The following SHANK2 variants were observed in gnomAD, a reference collection of about 807,000 sequenced individuals.
The protein encoded by SHANK2 is SH3 and multiple ankyrin repeat domains protein 2.
In SHANK2, 43 loss-of-function variants were observed where a neutral mutation model predicts 133.7. That is an observed-to-expected ratio of 0.32 (90% confidence interval 0.25 to 0.41). The LOEUF (loss-of-function observed/expected upper bound fraction) is 0.41, where lower values mean the gene tolerates loss of function less well. Ranked by LOEUF, SHANK2 falls within the 10% of genes least tolerant of loss-of-function variation. The pLI is 1.00. For synonymous variants in SHANK2, 1,017 were observed against 952.8 expected (o/e 1.07, Z -1.24); for missense variants, 1,994 against 2,235.8 (o/e 0.89, Z 2.18).
chr11:71,125,886 A>G (rs1397583416), intron 3 of SHANK2, among the ~76,000 whole-genome samples: 1 of 152,190 alleles, frequency 6.6e-6, no homozygotes, highest in Non-Finnish European at 1.5e-5. Flanking sequence ...AGCCTATGCT[A>G]ATATATCATT....
At chr11:70,554,944 C>G (rs1432514459) in intron 17 of SHANK2, among the ~76,000 whole-genome samples, 1 of 150,992 alleles carries the variant, frequency 6.6e-6, no homozygotes, top group Non-Finnish European at 1.5e-5. Context: ...AGCCACCCCA[C>G]AGAGAGTCAG....
intron 14 of SHANK2, among the ~76,000 whole-genome samples, chr11:70,725,900 C>CA (rs1230973711): frequency 6.6e-6 from 1 of 152,180 alleles, no homozygotes; most frequent in African/African-American, 2.4e-5. Flanking sequence ...AATACCTAGA[C>CA]AAAGCAAGGC....
rs1555158168 is a variant in SHANK2, at chr11:70,500,542, G to C, written c.2308+28C>G. 3.1e-6 allele frequency: 5 copies of C among 1,597,382 alleles called. No homozygotes were observed. The highest frequency in any genetic ancestry group is 1.7e-5 in the Admixed American group (1 of 57,668). On this transcript the variant is annotated intron_variant, in intron 21 of 25. Transcript: ENST00000601538. The surrounding 1 kb of genome is among the most constrained non-coding windows in gnomAD (Gnocchi z 4.5). ...TCCACAGGGGGGTGATGGGCAGGGG[G>C]CTGAGACAGACACTGGGCCTCCCTT...
chr11:70,798,704 T>G (rs565569223), intron 13 of SHANK2, 148 bp from the exon 14 acceptor site: 13 of 625,930 alleles, frequency 2.1e-5, no homozygotes, highest in Middle Eastern at 5.3e-4. Context: ...TGACTGCACT[T>G]CCTTCAGCTG....
At chr11:70,851,497 T>C (rs1457733782) in intron 11 of SHANK2, among the ~76,000 whole-genome samples, 2 of 152,182 alleles carry the variant, frequency 1.3e-5, no homozygotes, top group African/African-American at 4.8e-5. Flanking sequence ...CTTTCTCCTT[T>C]CTGCTGATTG....
chr11:70,717,687 C>T (rs1184478609), intron 14 of SHANK2, among the ~76,000 whole-genome samples: 17 of 152,208 alleles, frequency 1.1e-4, no homozygotes, highest in East Asian at 5.8e-4. Flanking sequence ...CTTCTTGAAC[C>T]GTGAATTCTC....
intron 14 of SHANK2, among the ~76,000 whole-genome samples, chr11:70,771,334 T>G (rs933776151): frequency 6.6e-6 from 1 of 152,180 alleles, no homozygotes; most frequent in Non-Finnish European, 1.5e-5. Flanking sequence ...TGTGACCACA[T>G]GCACAAGTGA....
At chr11:71,203,552 A>T (rs1284041544) in intron 2 of SHANK2, among the ~76,000 whole-genome samples, 1 of 152,090 alleles carries the variant, frequency 6.6e-6, no homozygotes, top group Non-Finnish European at 1.5e-5. Flanking sequence ...GTGAGCCAAG[A>T]TGGCACCACT....
intron 14 of SHANK2, among the ~76,000 whole-genome samples, chr11:70,771,903 T>C (rs782066874): frequency 2.6e-5 from 4 of 152,164 alleles, no homozygotes; most frequent in Non-Finnish European, 4.4e-5. Flanking sequence ...AAATCGCTAC[T>C]GGGCCTGGGG....
At chr11:70,762,702 G>A (rs1947020999) in intron 14 of SHANK2, among the ~76,000 whole-genome samples, 1 of 152,190 alleles carries the variant, frequency 6.6e-6, no homozygotes. Flanking sequence ...ATGGCCTAGT[G>A]TCTACCTTAG....
At chr11:70,823,049 C>T (rs1482597185) in intron 11 of SHANK2, among the ~76,000 whole-genome samples, 7 of 97,196 alleles carry the variant, frequency 7.2e-5, no homozygotes, top group South Asian at 4.3e-4. Flanking sequence ...GCAGAGCCCA[C>T]GGGGGACAGA....
chr11:70,604,740 A>T (rs1353427139), intron 17 of SHANK2: 1 of 152,290 alleles, frequency 6.6e-6, no homozygotes, highest in Non-Finnish European at 1.5e-5. Flanking sequence ...TTCATAAACA[A>T]AACCACTGAA....
chr11:71,125,708 G>T (rs1422432689), intron 3 of SHANK2, among the ~76,000 whole-genome samples: 1 of 152,148 alleles, frequency 6.6e-6, no homozygotes, highest in South Asian at 2.1e-4. Flanking sequence ...TGATGAAGGC[G>T]GCTACACTAA....
chr11:70,838,745 C>T lies in SHANK2; in HGVS notation c.1175-18063G>A, dbSNP rs146546103. ...CCCTGGACTCTCACTCTGCACAGGC[C>T]GATTCAACAATCCAAAAGGAATTTA... On this transcript the variant is annotated intron_variant, in intron 11 of 25. Coordinates refer to ENST00000601538, the MANE Select transcript of SHANK2 (RefSeq NM_012309.5). Among the ~76,000 whole-genome samples the T allele has an allele frequency of 5.3e-5, 8 of 152,278 alleles. No homozygotes were observed. The East Asian group carries it at 1.4e-3, about 26-fold the overall frequency.
intron 10 of SHANK2, among the ~76,000 whole-genome samples, chr11:70,921,328 C>T (rs1321294576): frequency 1.3e-5 from 2 of 152,220 alleles, no homozygotes; most frequent in Admixed American, 1.3e-4. Flanking sequence ...CTGCTTCTCC[C>T]CTAGGATCAT....
At chr11:70,570,056 G>A (rs1327877725) in intron 17 of SHANK2, among the ~76,000 whole-genome samples, 1 of 152,190 alleles carries the variant, frequency 6.6e-6, no homozygotes, top group East Asian at 1.9e-4. Context: ...AACTTGAGCT[G>A]TTCGGTTGGG....
intron 17 of SHANK2, among the ~76,000 whole-genome samples, chr11:70,573,776 C>T (rs1256868589): frequency 6.6e-6 from 1 of 152,220 alleles, no homozygotes; most frequent in African/African-American, 2.4e-5. Context: ...CACCTCACTT[C>T]AGCCAACGGC....
At chr11:70,614,837 C>A (rs2060716818) in intron 17 of SHANK2, among the ~76,000 whole-genome samples, 1 of 152,192 alleles carries the variant, frequency 6.6e-6, no homozygotes, top group Non-Finnish European at 1.5e-5. Context: ...CTGCAGGCCT[C>A]CCCTCCCCAC....
At chr11:70,709,793 C>T (rs1402480814) in intron 14 of SHANK2, among the ~76,000 whole-genome samples, 8 of 151,856 alleles carry the variant, frequency 5.3e-5, no homozygotes, top group Non-Finnish European at 7.4e-5. Flanking sequence ...CCCTGGCGAG[C>T]GAGTCCATGT....
Sources: allele counts gnomAD v4.1 joint callset (sites outside exome capture counted in the v4.1 genomes callset), GRCh38; gene constraint gnomAD v4.1.1; non-coding constraint Gnocchi (gnomAD v3.1); transcripts MANE v1.5; gene names NCBI Gene and HGNC (gene_info 2026-07-23, HGNC 2026-07-21).